Variants in MYOM2 observed in about 807,000 individuals in gnomAD.
MYOM2 encodes myomesin-2.
A neutral mutation model predicts 187.6 loss-of-function variants in MYOM2; 254 were observed. The observed-to-expected ratio is 1.35, with a 90% CI of 1.22 to 1.50. MYOM2 has a LOEUF of 1.50. Ranked by LOEUF, MYOM2 falls within the 40% of genes most tolerant of loss-of-function variation. The pLI, the probability that MYOM2 is intolerant of heterozygous loss-of-function variation, is 0.00. For synonymous variants in MYOM2, 981 were observed against 753.8 expected, an observed-to-expected ratio of 1.30 and a Z score of -4.94; for missense variants, 2,796 against 1,924.0, an observed-to-expected ratio of 1.45 and a Z score of -8.48.
chr8:2,097,077 C>T (rs1265216273), intron 18 of MYOM2: 1 of 973,534 alleles, frequency 1.0e-6, no homozygotes, highest in Non-Finnish European at 1.2e-6. Context: ...CCCGTCCGGA[C>T]TGTGGGGAGC....
intron 25 of MYOM2, among the ~76,000 whole-genome samples, chr8:2,113,323 G>A (rs1013674122): frequency 7.2e-5 from 11 of 152,220 alleles, no homozygotes; most frequent in African/African-American, 2.2e-4. Flanking sequence ...TATCATCCAG[G>A]TGGAGTACAA....
At chr8:2,071,290 C>G (rs182174458) in intron 8 of MYOM2, among the ~76,000 whole-genome samples, 1 of 152,202 alleles carries the variant, frequency 6.6e-6, no homozygotes, top group South Asian at 2.1e-4. Context: ...CCACTGTACC[C>G]GGCCTGCAGC....
At chr8:2,125,351 T>A (rs908167080) in intron 31 of MYOM2, among the ~76,000 whole-genome samples, 19 of 152,314 alleles carry the variant, frequency 1.2e-4, no homozygotes, top group Admixed American at 1.2e-3. Flanking sequence ...AGACTGTCTT[T>A]CCCTATTGTG....
chr8:2,066,633 C>T lies in MYOM2; in HGVS notation c.654-2645C>T, dbSNP rs559125020. On this transcript the variant is annotated intron_variant, in intron 6 of 36. Transcript: ENST00000262113. ...GGGTCCTGCAGAGAAGCACCTCCTC[C>T]TTCCACCGCGGACCCCAGTCCCAGG... Among the ~76,000 whole-genome samples, 7 of 152,350 alleles carry T rather than the reference C, an allele frequency of 4.6e-5. No homozygotes were observed. In the East Asian group the frequency reaches 1.2e-3, roughly 25 times the overall value.
At chr8:2,088,485 A>C (rs1461485556) in intron 14 of MYOM2, among the ~76,000 whole-genome samples, 1 of 152,076 alleles carries the variant, frequency 6.6e-6, no homozygotes, top group Non-Finnish European at 1.5e-5. Context: ...GTGTGTACCC[A>C]GTGTTTAGCT....
intron 14 of MYOM2, 126 bp downstream of exon 14, chr8:2,085,516 C>CCCCCTACTGT (rs1819812290): frequency 1.5e-6 from 1 of 648,996 alleles, no homozygotes; most frequent in Non-Finnish European, 2.3e-6. Flanking sequence ...CTCCGCGTGG[C>CCCCCTACTGT]CCCCCACTGT....
intron 27 of MYOM2, among the ~76,000 whole-genome samples, chr8:2,116,582 G>C (rs767101371): frequency 1.3e-5 from 2 of 152,140 alleles, no homozygotes; most frequent in African/African-American, 2.4e-5. Flanking sequence ...GGCAGTAGAG[G>C]CTATTCCTAT....
chr8:2,106,290 T>G lies in MYOM2; in HGVS notation c.2783T>G (p.Leu928Arg), dbSNP rs754083150. 1 of 1,614,184 alleles carries G rather than the reference T, an allele frequency of 6.2e-7. No homozygotes were observed. Among genetic ancestry groups the G allele is most frequent in the Non-Finnish European group, 8.5e-7 (1 of 1,180,036 alleles). The change falls in exon 22 of 37, where the codon CTG becomes CGG. Residue 928 changes from leucine (L) to arginine (R), a missense_variant. Coordinates refer to ENST00000262113, the MANE Select transcript of MYOM2 (RefSeq NM_003970.4). Reference sequence around the variant, plus strand: ...GTCGATGAACAAGGCAACATCTATCTGGGCTTCGACTGCCAGGAAATGACA... The same window carrying G: ...GTCGATGAACAAGGCAACATCTATCGGGGCTTCGACTGCCAGGAAATGACA... ...AGVDEQGNIY[L>R]GFDCQEMTDA... is the part of the protein sequence containing the mutation.
At chr8:2,079,634 C>T (rs1819554189) in intron 13 of MYOM2, 21 bp downstream of exon 13, 3 of 1,612,298 alleles carry the variant, frequency 1.9e-6, no homozygotes, top group South Asian at 2.2e-5. Flanking sequence ...CCTCATCACC[C>T]CAGCTGCTCA....
chr8:2,115,909 C>G (rs745851470), intron 25 of MYOM2, 51 bp from the exon 26 acceptor site: 67 of 1,581,864 alleles, frequency 4.2e-5, no homozygotes, highest in Non-Finnish European at 5.7e-5. Flanking sequence ...CAAGGGAAAA[C>G]TAGGAGAGAT....
chr8:2,088,149 T>C (rs1001828557), intron 14 of MYOM2, among the ~76,000 whole-genome samples: 2 of 152,152 alleles, frequency 1.3e-5, no homozygotes, highest in African/African-American at 4.8e-5. Flanking sequence ...GGTGCATCCA[T>C]CACCCAAGCA....
At chr8:2,103,440 A>G (rs1796783628) in intron 21 of MYOM2, among the ~76,000 whole-genome samples, 1 of 149,426 alleles carries the variant, frequency 6.7e-6, no homozygotes, top group African/African-American at 2.5e-5. Flanking sequence ...TGGATAAATG[A>G]GTGGGAGAGT....
chr8:2,100,677 C>T (rs1165662788), intron 19 of MYOM2, among the ~76,000 whole-genome samples, 199 bp from the exon 20 acceptor site: 1 of 150,248 alleles, frequency 6.7e-6, no homozygotes, highest in African/African-American at 2.4e-5. Flanking sequence ...GGCCCTCCTC[C>T]CTGACCCCCA....
intron 32 of MYOM2, among the ~76,000 whole-genome samples, chr8:2,130,528 C>T (rs1170558297): frequency 6.6e-6 from 1 of 152,200 alleles, no homozygotes; most frequent in Non-Finnish European, 1.5e-5. Flanking sequence ...TTTAATATCA[C>T]TGGTTTGCTT....
At position 2,145,121 on chromosome 8, in the gene MYOM2, T is replaced by C. The variant is rs556762166; in HGVS notation, c.*140T>C. ...TGATCACACATTGTGCTTTTGATTT[T>C]TGCATTTGGTGATGAATATTTTATA... On this transcript the variant is annotated 3_prime_UTR_variant, in exon 37 of 37. Transcript: ENST00000262113. 1.2e-4 allele frequency: 111 copies of C among 914,016 alleles called. No homozygotes were observed. The highest frequency in any genetic ancestry group is 1.6e-4 in the Non-Finnish European group (97 of 608,468). 56.6% of individuals were successfully genotyped at this position (914,016 alleles called of 1,614,324 possible).
Position 2,134,117 on chromosome 8 carries a change from A to G in MYOM2, c.3800+4885A>G, listed in dbSNP as rs182943455. Among the ~76,000 whole-genome samples, 11 of 151,840 alleles carry G rather than the reference A, an allele frequency of 7.2e-5. No homozygotes were observed. The East Asian group carries it at 2.1e-3, about 30-fold the overall frequency. ...ATGATGTAATACTATTAACTCTGCT[A>G]CAGACCAATTCAGATTGCACCTTTT... On this transcript the variant is annotated intron_variant, in intron 32 of 36. Coordinates refer to ENST00000262113, the MANE Select transcript of MYOM2 (RefSeq NM_003970.4).
intron 14 of MYOM2, 66 bp downstream of exon 14, chr8:2,085,456 G>C: frequency 1.3e-6 from 2 of 1,563,196 alleles, no homozygotes; most frequent in Non-Finnish European, 8.7e-7. Flanking sequence ...CATGATCTCT[G>C]CGTGGCCCAC....
At chr8:2,063,654 G>C (rs1818920548) in intron 6 of MYOM2, among the ~76,000 whole-genome samples, 1 of 152,138 alleles carries the variant, frequency 6.6e-6, no homozygotes, top group African/African-American at 2.4e-5. Flanking sequence ...TTTAAATTTT[G>C]ATTTAATTAA....
chr8:2,100,908 A>C lies in MYOM2; in HGVS notation c.2473A>C (p.Arg825=). Reference sequence around the variant, plus strand: ...CTACGACTTGACGTTCTGTGAGGTCAGGGACACGTCCTTGGTCATGCTGTG... The same window carrying C: ...CTACGACTTGACGTTCTGTGAGGTCCGGGACACGTCCTTGGTCATGCTGTG... The part of the protein sequence containing the change: ...PAYDLTFCEV[R]DTSLVMLWKA... Residue 825 remains arginine, a synonymous_variant, in exon 20 of 37, where the codon AGG becomes CGG. Coordinates refer to ENST00000262113, the MANE Select transcript of MYOM2 (RefSeq NM_003970.4). The C allele has an allele frequency of 6.2e-7, 1 of 1,614,188 alleles. No individual in the cohort carries two copies. Among genetic ancestry groups the C allele is most frequent in the East Asian group, 2.2e-5 (1 of 44,874 alleles).
Sources: gnomAD v4.1 joint callset for allele counts (sites outside exome capture counted in the v4.1 genomes callset) on GRCh38, gnomAD v4.1.1 for gene constraint, MANE v1.5 for transcripts, NCBI Gene and HGNC (gene_info 2026-07-23, HGNC 2026-07-21) for gene names.